Variants in NETO1 observed in about 807,000 individuals in gnomAD.
NETO1 encodes the protein neuropilin and tolloid like 1.
Under a neutral mutation model 61.3 loss-of-function variants are expected in NETO1, and 26 were observed. That is an observed-to-expected ratio of 0.42 (90% CI 0.31 to 0.59). NETO1 has a LOEUF of 0.59. Among genes scored for constraint, NETO1 ranks in the 20% least tolerant of loss-of-function variants. The probability of loss-of-function intolerance (pLI) is 0.12; values close to 1 mark genes in which losing one functional copy is unlikely to be tolerated. For synonymous variants in NETO1, 225 were observed against 225.8 expected (o/e 1.00, Z 0.03); for missense variants, 531 against 662.8 (o/e 0.80, Z 2.18).
chr18:72,763,540 A>C (rs2145142871), intron 7 of NETO1, among the ~76,000 whole-genome samples: 1 of 152,238 alleles, frequency 6.6e-6, no homozygotes, highest in South Asian at 2.1e-4. Context: ...GTGTGGGCAC[A>C]GCCACAGGCT....
chr18:72,808,687 C>G (rs576039444), intron 4 of NETO1, among the ~76,000 whole-genome samples: 1 of 152,304 alleles, frequency 6.6e-6, no homozygotes, highest in African/African-American at 2.4e-5. Context: ...GCTGTACAAG[C>G]CATGCTAACG....
chr18:72,749,667 A>G (rs1334768280), intron 9 of NETO1, among the ~76,000 whole-genome samples: 1 of 152,162 alleles, frequency 6.6e-6, no homozygotes, highest in Non-Finnish European at 1.5e-5. Flanking sequence ...TGGTAAGGCA[A>G]TCGTTTTCAA....
chr18:72,772,825 C>CTCTCTCTATATATATA (rs1568187563), intron 7 of NETO1, among the ~76,000 whole-genome samples: 1 of 40,866 alleles, frequency 2.4e-5, no homozygotes, highest in Non-Finnish European at 4.3e-5. Flanking sequence ...CTCTCTCTCT[C>CTCTCTCTATATATATA]TATATATATA....
intron 7 of NETO1, among the ~76,000 whole-genome samples, chr18:72,758,385 T>TTGTGTGTGTG (rs71166416): frequency 0.017 from 2,473 of 142,820 alleles, 35 homozygotes; most frequent in East Asian, 0.033. Flanking sequence ...TTTTTTTTCT[T>TTGTGTGTGTG]TGTGTGTGTG....
chr18:72,745,616 T>C lies in NETO1; in HGVS notation c.*2563A>G, dbSNP rs2070414622. 1.3e-5 allele frequency: 2 copies of C among 152,214 alleles called. No homozygotes were observed. The highest frequency in any genetic ancestry group is 2.9e-5 in the Non-Finnish European group (2 of 68,018). 9.4% of individuals were successfully genotyped at this position (152,214 alleles called of 1,614,324 possible). A position where few individuals can be genotyped will look rare whatever the true frequency, so the allele number is the denominator to read the frequency against. ...CCTTATCTATGTGTGTCACCACCTT[T>C]AGAATGTGGGCCAAAGGCTGCATTC... On this transcript the variant is annotated 3_prime_UTR_variant, in exon 11 of 11. Transcript: ENST00000327305.
intron 7 of NETO1, among the ~76,000 whole-genome samples, chr18:72,767,230 A>G (rs1209859311): frequency 6.6e-6 from 1 of 152,206 alleles, no homozygotes; most frequent in Non-Finnish European, 1.5e-5. Flanking sequence ...AATTAAAAAT[A>G]ATAATTTTCT....
chr18:72,832,428 C>T (rs577038551), intron 4 of NETO1, among the ~76,000 whole-genome samples: 29 of 152,126 alleles, frequency 1.9e-4, no homozygotes, highest in Non-Finnish European at 3.2e-4. Context: ...TGATATAAAC[C>T]CTTCAGATTT....
intron 7 of NETO1, among the ~76,000 whole-genome samples, chr18:72,780,217 G>C (rs915250021): frequency 6.6e-6 from 1 of 152,114 alleles, no homozygotes; most frequent in Non-Finnish European, 1.5e-5. Context: ...CACAGAGAAC[G>C]CTGTTGTAAA....
At chr18:72,843,489 C>T (rs1392561287) in intron 4 of NETO1, among the ~76,000 whole-genome samples, 1 of 152,024 alleles carries the variant, frequency 6.6e-6, no homozygotes, top group East Asian at 1.9e-4. Context: ...ATAAATGAGG[C>T]CATTCCTAAA....
At chr18:72,848,588 AAG>A (rs1402512906) in intron 4 of NETO1, among the ~76,000 whole-genome samples, 2 of 152,292 alleles carry the variant, frequency 1.3e-5, no homozygotes, top group East Asian at 3.9e-4. Context: ...AAAAGAAAGA[AAG>A]AAATTCACCA....
At chr18:72,841,519 G>A (rs1257003622) in intron 4 of NETO1, among the ~76,000 whole-genome samples, 1 of 151,864 alleles carries the variant, frequency 6.6e-6, no homozygotes, top group Non-Finnish European at 1.5e-5. Flanking sequence ...GATCACCTGA[G>A]GTCAGGAGTT....
chr18:72,786,767 A>G (rs1250495787), intron 6 of NETO1, among the ~76,000 whole-genome samples: 1 of 152,044 alleles, frequency 6.6e-6, no homozygotes, highest in Non-Finnish European at 1.5e-5. Flanking sequence ...AAAAATGTTA[A>G]ACTTCCAAGT....
chr18:72,792,235 C>T (rs147246319), intron 6 of NETO1, among the ~76,000 whole-genome samples: 1 of 152,076 alleles, frequency 6.6e-6, no homozygotes, highest in Admixed American at 6.6e-5. Context: ...AGTTCGAGAC[C>T]AGCCTGGCCA....
In NETO1 at chr18:72,769,260, G is replaced by A. The variant is rs191700621; in HGVS notation, c.869-13113C>T. On this transcript the variant is annotated intron_variant, in intron 7 of 10. Transcript: ENST00000327305. The stretch of plus-strand genomic sequence containing the variant: ...GAGAGAAAGGCCAATACTGTATCTG[G>A]TGGGCTTACCGTCAGGATCTGTCAT... 3.2e-3 allele frequency among the ~76,000 whole-genome samples: 489 copies of A among 152,292 alleles called. 2 individuals carry two copies. The highest frequency in any genetic ancestry group is 4.9e-3 in the Non-Finnish European group (336 of 68,016).
chr18:72,840,600 C>A (rs1166498849), intron 4 of NETO1, among the ~76,000 whole-genome samples: 1 of 151,918 alleles, frequency 6.6e-6, no homozygotes, highest in African/African-American at 2.4e-5. Context: ...TTATATAACC[C>A]AACAGGAAAT....
chr18:72,802,522 A>C (rs1427478401), intron 4 of NETO1, among the ~76,000 whole-genome samples: 4 of 152,246 alleles, frequency 2.6e-5, no homozygotes, highest in African/African-American at 9.6e-5. Context: ...GTTTGCTTGA[A>C]TTCGCTGAAT....
chr18:72,833,365 T>C lies in NETO1; in HGVS notation c.469+25461A>G, dbSNP rs7506462. 8.1e-4 allele frequency among the ~76,000 whole-genome samples: 123 copies of C among 152,300 alleles called. 1 individual carries two copies. The South Asian group carries it at 0.023, about 28-fold the overall frequency. ...CTCTGACCTCTAGGCCGTTAAGTTA[T>C]TTTGCTGTATTCTCTGATATCATCC... On this transcript the variant is annotated intron_variant, in intron 4 of 10. Coordinates refer to ENST00000327305, the MANE Select transcript of NETO1 (RefSeq NM_138966.5).
intron 6 of NETO1, among the ~76,000 whole-genome samples, chr18:72,784,535 A>C (rs1385371731): frequency 6.6e-6 from 1 of 152,232 alleles, no homozygotes. Flanking sequence ...GTACTGTGCA[A>C]CTTGCTTTAT....
At chr18:72,862,622 C>CTTTTTTTTTTT (rs11453772) in intron 3 of NETO1, among the ~76,000 whole-genome samples, 2 of 122,400 alleles carry the variant, frequency 1.6e-5, no homozygotes. Context: ...CTTTTTTTTT[C>CTTTTTTTTTTT]TTTTTTTTTT....
Sources: gnomAD v4.1 joint callset for allele counts (sites outside exome capture counted in the v4.1 genomes callset) on GRCh38, gnomAD v4.1.1 for gene constraint, MANE v1.5 for transcripts, NCBI Gene and HGNC (gene_info 2026-07-23, HGNC 2026-07-21) for gene names.